NRG1: variants seen among roughly 807,000 people sequenced by gnomAD.
NRG1 encodes neuregulin 1.
In NRG1, 18 loss-of-function variants were observed where a neutral mutation model predicts 63.8. That is an observed-to-expected ratio of 0.28 (90% CI 0.19 to 0.42). NRG1 has a LOEUF of 0.42. Among genes scored for constraint, NRG1 ranks in the 10% least tolerant of loss-of-function variants. The pLI is 1.00. For synonymous variants in NRG1, 302 were observed against 301.3 expected, an observed-to-expected ratio of 1.00 and a Z score of -0.02; for missense variants, 762 against 814.7, an observed-to-expected ratio of 0.94 and a Z score of 0.79.
At chr8:32,486,053 A>G (rs11784519) in intron 1 of NRG1, among the ~76,000 whole-genome samples, 95,964 of 151,140 alleles carry the variant, frequency 0.63, 30,680 homozygotes, top group East Asian at 0.79. Context: ...TCAGCCTCCC[A>G]AGTAGCTGGG....
intron 1 of NRG1, among the ~76,000 whole-genome samples, chr8:31,785,321 C>G (rs1361385377): frequency 2.0e-5 from 3 of 152,100 alleles, no homozygotes; most frequent in Non-Finnish European, 4.4e-5. Context: ...GTTTTCTGAG[C>G]AAGAGCTGTC....
At chr8:32,671,452 T>G (rs1448714730) in intron 5 of NRG1, among the ~76,000 whole-genome samples, 1 of 152,106 alleles carries the variant, frequency 6.6e-6, no homozygotes, top group Non-Finnish European at 1.5e-5. Flanking sequence ...TGGGGATAAT[T>G]TTTTGTCTAC....
intron 1 of NRG1, among the ~76,000 whole-genome samples, chr8:31,698,473 G>A (rs558401393): frequency 1.6e-4 from 25 of 152,230 alleles, no homozygotes; most frequent in African/African-American, 5.5e-4. Context: ...TGTAATTTTC[G>A]TTTAGTGAAG....
intron 1 of NRG1, among the ~76,000 whole-genome samples, chr8:31,963,244 T>G (rs530649224): frequency 5.9e-5 from 9 of 152,360 alleles, no homozygotes; most frequent in African/African-American, 1.4e-4. Context: ...AATGAATCAC[T>G]GATTTAATTT....
At chr8:31,652,752 G>T (rs1358644143) in intron 1 of NRG1, among the ~76,000 whole-genome samples, 1 of 152,148 alleles carries the variant, frequency 6.6e-6, no homozygotes, top group Non-Finnish European at 1.5e-5. Flanking sequence ...AAATCTTCTT[G>T]TAGGAGAAAA....
intron 6 of NRG1, among the ~76,000 whole-genome samples, chr8:32,740,528 AG>A: frequency 6.6e-6 from 1 of 152,202 alleles, no homozygotes; most frequent in East Asian, 1.9e-4. Flanking sequence ...ATGTTTCTCA[AG>A]GTAGCTCTTC....
intron 1 of NRG1, among the ~76,000 whole-genome samples, chr8:31,969,835 T>C (rs970559762): frequency 2.0e-5 from 3 of 152,124 alleles, no homozygotes; most frequent in Non-Finnish European, 4.4e-5. Flanking sequence ...GTATGTGTGC[T>C]CTGGGCAGGG....
intron 1 of NRG1, among the ~76,000 whole-genome samples, chr8:32,583,479 T>C (rs1303802386): frequency 6.6e-6 from 1 of 152,186 alleles, no homozygotes; most frequent in African/African-American, 2.4e-5. Flanking sequence ...TTCATGGACT[T>C]ATAAACTATT....
At chr8:32,292,216 G>A (rs1179796396) in intron 1 of NRG1, among the ~76,000 whole-genome samples, 1 of 152,094 alleles carries the variant, frequency 6.6e-6, no homozygotes, top group African/African-American at 2.4e-5. Flanking sequence ...CCCAGATCAA[G>A]AAAACCAGTG....
chr8:31,865,427 A>C (rs10216631), intron 1 of NRG1, among the ~76,000 whole-genome samples: 76,349 of 151,906 alleles, frequency 0.5, 19,784 homozygotes, highest in East Asian at 0.75. Context: ...AATGCAGAGA[A>C]TCTACCATAT....
intron 1 of NRG1, among the ~76,000 whole-genome samples, chr8:32,053,932 ATTGGTTATATTT>A (rs1429701582): frequency 6.6e-6 from 1 of 152,150 alleles, no homozygotes; most frequent in African/African-American, 2.4e-5. Context: ...TCTAATTTTC[ATTGGTTATATTT>A]TCCTGATTAC....
At chr8:32,428,518 C>G (rs1276357002) in intron 1 of NRG1, among the ~76,000 whole-genome samples, 1 of 152,146 alleles carries the variant, frequency 6.6e-6, no homozygotes, top group Non-Finnish European at 1.5e-5. Flanking sequence ...AGGGCTGTTG[C>G]TGCTATAGAA....
chr8:32,444,009 CT>C (rs1389998577), intron 1 of NRG1, among the ~76,000 whole-genome samples: 1 of 150,712 alleles, frequency 6.6e-6, no homozygotes, highest in Non-Finnish European at 1.5e-5. Flanking sequence ...TCCTTCCTTC[CT>C]TTTTCCTTTC....
At chr8:31,683,166 T>C (rs576411956) in intron 1 of NRG1, among the ~76,000 whole-genome samples, 1 of 152,272 alleles carries the variant, frequency 6.6e-6, no homozygotes, top group South Asian at 2.1e-4. Flanking sequence ...AGCGTTCTCT[T>C]ACCACATGAT....
intron 1 of NRG1, among the ~76,000 whole-genome samples, chr8:31,803,024 C>T (rs1223643533): frequency 6.6e-6 from 1 of 152,152 alleles, no homozygotes; most frequent in Non-Finnish European, 1.5e-5. Context: ...TCTGGTATTG[C>T]TCACATATCA....
At chr8:32,692,102 C>T (rs1811888420) in intron 5 of NRG1, among the ~76,000 whole-genome samples, 1 of 152,170 alleles carries the variant, frequency 6.6e-6, no homozygotes, top group South Asian at 2.1e-4. Context: ...TTCTAATATG[C>T]ATAATGACTT....
intron 1 of NRG1, among the ~76,000 whole-genome samples, chr8:32,508,267 G>A (rs907605239): frequency 6.9e-6 from 1 of 145,026 alleles, no homozygotes; most frequent in African/African-American, 2.5e-5. Context: ...ATGTTCTGCT[G>A]TAAACATAAG....
chr8:31,724,017 G>T (rs991164190), intron 1 of NRG1, among the ~76,000 whole-genome samples: 2 of 152,032 alleles, frequency 1.3e-5, no homozygotes, highest in African/African-American at 4.8e-5. Flanking sequence ...ACTTTTCTTA[G>T]TAGAGCTTTT....
chr8:31,728,368 G>A (rs561706880), intron 1 of NRG1, among the ~76,000 whole-genome samples: 21 of 152,264 alleles, frequency 1.4e-4, no homozygotes, highest in African/African-American at 4.6e-4. Context: ...GGAAGCTGAG[G>A]CAGGATAATC....
Sources: gnomAD v4.1 joint callset for allele counts (sites outside exome capture counted in the v4.1 genomes callset) on GRCh38, gnomAD v4.1.1 for gene constraint, MANE v1.5 for transcripts, NCBI Gene and HGNC (gene_info 2026-07-23, HGNC 2026-07-21) for gene names.